RMDN1: variants seen among roughly 807,000 people sequenced by gnomAD.
RMDN1 encodes regulator of microtubule dynamics 1, also known as regulator of microtubule dynamics protein 1.
In RMDN1, 48 loss-of-function variants were observed where a neutral mutation model predicts 48.9. That is an observed-to-expected ratio of 0.98 (90% confidence interval 0.78 to 1.25). The LOEUF is 1.25. Ranked by LOEUF, RMDN1 falls within the 50% of genes most tolerant of loss-of-function variation. The probability of loss-of-function intolerance (pLI) is 0.00; values close to 1 mark genes in which losing one functional copy is unlikely to be tolerated. For missense variants in RMDN1, 418 were observed against 373.4 expected (o/e 1.12, Z -0.98); for synonymous variants, 148 against 132.6 (o/e 1.12, Z -0.80).
chr8:86,500,260 G>A (rs753767146), intron 2 of RMDN1, among the ~76,000 whole-genome samples: 1 of 152,066 alleles, frequency 6.6e-6, no homozygotes, highest in African/African-American at 2.4e-5. Flanking sequence ...CTGAATGAAA[G>A]AAAACATTTG....
intron 5 of RMDN1, chr8:86,482,423 T>C (rs1459073828): frequency 9.2e-6 from 4 of 437,080 alleles, no homozygotes; most frequent in Non-Finnish European, 1.7e-5. Context: ...GAAAGGAGGC[T>C]CTGTAAATCT....
At chr8:86,504,212 G>A in intron 2 of RMDN1, 10 of 1,551,778 alleles carry the variant, frequency 6.4e-6, no homozygotes, top group South Asian at 4.5e-5. Flanking sequence ...GAAAGTCCCA[G>A]GTTTTTGCTC....
At chr8:86,488,879 T>TA (rs1346725369) in intron 2 of RMDN1, among the ~76,000 whole-genome samples, 3 of 152,182 alleles carry the variant, frequency 2.0e-5, no homozygotes, top group Non-Finnish European at 4.4e-5. Context: ...TTAGAAAACT[T>TA]ACTCTGGTAG....
downstream of RMDN1, among the ~76,000 whole-genome samples, chr8:86,470,620 G>GTAA (rs1812463386): frequency 1.3e-5 from 2 of 152,270 alleles, no homozygotes; most frequent in South Asian, 4.1e-4. Context: ...AGCTTTATTT[G>GTAA]TAATAGCTAA....
chr8:86,484,296 A>G (rs1484863950), intron 5 of RMDN1, among the ~76,000 whole-genome samples: 1 of 149,450 alleles, frequency 6.7e-6, no homozygotes, highest in Non-Finnish European at 1.5e-5. Flanking sequence ...CTCATAGGTA[A>G]GAGGCCATCT....
upstream of RMDN1, among the ~76,000 whole-genome samples, chr8:86,510,512 G>C (rs1361807370): frequency 6.6e-6 from 1 of 152,014 alleles, no homozygotes. Flanking sequence ...TTTAAAGCAG[G>C]GTTTCTCAGC....
intron 2 of RMDN1, among the ~76,000 whole-genome samples, chr8:86,490,949 G>C (rs367631605): frequency 1.3e-5 from 2 of 151,430 alleles, no homozygotes; most frequent in African/African-American, 4.9e-5. Context: ...CTTGACCCCA[G>C]AAGTTCAAGA....
chr8:86,507,156 G>T, intron 1 of RMDN1, 44 bp from the exon 2 acceptor site: 1 of 1,242,644 alleles, frequency 8.0e-7, no homozygotes, highest in South Asian at 1.2e-5. Flanking sequence ...TTGAAAATTT[G>T]AAGGTACTGC....
intron 6 of RMDN1, among the ~76,000 whole-genome samples, chr8:86,480,070 A>G (rs118156614): frequency 0.018 from 2,689 of 152,236 alleles, 38 homozygotes; most frequent in Middle Eastern, 0.027. Flanking sequence ...AATGACCTGA[A>G]TAACAATGTT....
In RMDN1 at chr8:86,473,927, GAATC is replaced by G. The variant is rs1307082767; in HGVS notation, c.*377_*380del. On this transcript the variant is annotated 3_prime_UTR_variant, in exon 10 of 10. Coordinates refer to ENST00000406452, the MANE Select transcript of RMDN1 (RefSeq NM_016033.3). The stretch of plus-strand genomic sequence containing the variant: ...ACCTTCTCTTCAAGATTTCAACTTA[GAATC>G]AATCCAATTTGAAAATCCATCCCCC... The G allele has an allele frequency of 7.9e-6, 8 of 1,008,484 alleles. No homozygotes were observed. Among genetic ancestry groups the G allele is most frequent in the Non-Finnish European group, 2.4e-6 (2 of 844,932 alleles). 62.5% of individuals were successfully genotyped at this position (1,008,484 alleles called of 1,614,324 possible).
downstream of RMDN1, chr8:86,470,119 C>A: frequency 8.0e-7 from 1 of 1,247,992 alleles, no homozygotes. Flanking sequence ...AATCAGTATT[C>A]TACTCATATC....
chr8:86,498,248 G>C (rs1170194580), intron 2 of RMDN1, among the ~76,000 whole-genome samples: 1 of 144,138 alleles, frequency 6.9e-6, no homozygotes, highest in East Asian at 2.2e-4. Context: ...TTCGAAAATT[G>C]AATCAGTAGT....
chr8:86,487,827 G>A (rs1168681622), intron 3 of RMDN1, among the ~76,000 whole-genome samples: 1 of 152,100 alleles, frequency 6.6e-6, no homozygotes, highest in Non-Finnish European at 1.5e-5. Context: ...GAATGGAGAA[G>A]AAAAGATCAA....
chr8:86,490,046 T>C (rs1009110521), intron 2 of RMDN1, among the ~76,000 whole-genome samples: 3 of 152,056 alleles, frequency 2.0e-5, no homozygotes, highest in African/African-American at 7.3e-5. Flanking sequence ...TGATTAGGTG[T>C]TATAAAGTTT....
intron 1 of RMDN1, among the ~76,000 whole-genome samples, chr8:86,507,379 T>A (rs1019359247): frequency 6.6e-6 from 1 of 152,188 alleles, no homozygotes. Context: ...ACAACTTATT[T>A]GCAAATGCAT....
intron 1 of RMDN1, chr8:86,508,275 C>A (rs1819717003): frequency 6.2e-6 from 3 of 484,526 alleles, no homozygotes; most frequent in Non-Finnish European, 7.1e-6. Context: ...CGCGTGGGGG[C>A]AAACCCCACT....
chr8:86,475,148 C>G (rs946851583), intron 8 of RMDN1, 195 bp from the exon 9 acceptor site: 3 of 507,744 alleles, frequency 5.9e-6, no homozygotes, highest in Non-Finnish European at 1.0e-5. Flanking sequence ...GAATAAACAT[C>G]TACAAATGTG....
At chr8:86,474,568 T>G (rs1310212103) in intron 9 of RMDN1, 6 of 699,564 alleles carry the variant, frequency 8.6e-6, no homozygotes, top group Non-Finnish European at 1.3e-5. Flanking sequence ...AAATGTTAAC[T>G]CGATCTGCCA....
chr8:86,488,882 T>C (rs1815967620), intron 2 of RMDN1, among the ~76,000 whole-genome samples: 2 of 152,196 alleles, frequency 1.3e-5, no homozygotes, highest in Non-Finnish European at 2.9e-5. Context: ...GAAAACTTAC[T>C]CTGGTAGTGA....
Sources: allele counts gnomAD v4.1 joint callset (sites outside exome capture counted in the v4.1 genomes callset), GRCh38; gene constraint gnomAD v4.1.1; transcripts MANE v1.5; gene names NCBI Gene and HGNC (gene_info 2026-07-23, HGNC 2026-07-21).